PON3: variants seen among roughly 807,000 people sequenced by gnomAD.
The protein encoded by PON3 is serum paraoxonase/lactonase 3.
PON3 carries 37 observed loss-of-function variants against 36.3 expected under a neutral mutation model. The ratio of observed to expected loss-of-function variants is 1.02; its 90% CI spans 0.78 to 1.34. PON3 has a LOEUF of 1.34. Ranked by LOEUF, PON3 falls within the 40% of genes most tolerant of loss-of-function variation. The pLI is 0.00. For missense variants in PON3, 415 were observed against 426.5 expected (o/e 0.97, Z 0.24); for synonymous variants, 155 against 154.8 (o/e 1.00, Z -0.01).
chr7:95,363,325 T>C (rs1030484112), intron 6 of PON3, among the ~76,000 whole-genome samples: 3 of 152,180 alleles, frequency 2.0e-5, no homozygotes, highest in African/African-American at 7.2e-5. Flanking sequence ...CTTCTGTTTA[T>C]AAAAAAACCT....
chr7:95,362,427 C>T lies in PON3; in HGVS notation c.841G>A (p.Ala281Thr), dbSNP rs1481025215. The change falls in exon 8 of 9, where the codon GCA becomes ACA. Residue 281 changes from alanine to threonine, a missense_variant. Coordinates refer to ENST00000265627, the MANE Select transcript of PON3 (RefSeq NM_000940.3). ...TVDPATGDIL[A>T]GCHPNPMKLL... ...TTCATAGGATTAGGATGGCATCCTG[C>T]CAAAATGTCTCCTGTGGCAGGATCG... 3 of 1,613,764 alleles carry T rather than the reference C, an allele frequency of 1.9e-6. No homozygotes were observed. Among genetic ancestry groups the T allele is most frequent in the East Asian group, 4.5e-5 (2 of 44,866 alleles).
chr7:95,361,197 G>A (rs1410325813), intron 8 of PON3, among the ~76,000 whole-genome samples: 1 of 152,084 alleles, frequency 6.6e-6, no homozygotes, highest in Admixed American at 6.6e-5. Context: ...CTAGGCTTAG[G>A]TTGGACTTTT....
intron 3 of PON3, 93 bp downstream of exon 3, chr7:95,390,061 T>A: frequency 5.4e-6 from 7 of 1,302,594 alleles, no homozygotes; most frequent in Non-Finnish European, 7.8e-6. Flanking sequence ...GATGAGAGCA[T>A]AGGGATCCAT....
At chr7:95,379,871 G>T (rs752651265) in intron 3 of PON3, among the ~76,000 whole-genome samples, 1 of 152,144 alleles carries the variant, frequency 6.6e-6, no homozygotes, top group Non-Finnish European at 1.5e-5. Context: ...CTCCCAGCAC[G>T]CAGCTTGAGA....
At chr7:95,374,439 T>C (rs945340744) in intron 3 of PON3, among the ~76,000 whole-genome samples, 2 of 152,146 alleles carry the variant, frequency 1.3e-5, no homozygotes, top group South Asian at 4.1e-4. Context: ...CCTCTCTCTC[T>C]TGCTTTACCA....
chr7:95,367,415 T>A lies in PON3; in HGVS notation c.441A>T (p.Glu147Asp), dbSNP rs774766276. The change falls in exon 5 of 9, where the codon GAA becomes GAT. Residue 147 changes from glutamate (E) to aspartate (D), a missense_variant. Physicochemically the swap from Glu to Asp is conservative, Grantham distance 45. Transcript: ENST00000265627. Reference sequence around the variant, plus strand: ...TCAGGTATACCAGAGAACGTTGTTGTTCCTCAAATTTAAATATCTCCACAG... The same window carrying A: ...TCAGGTATACCAGAGAACGTTGTTGATCCTCAAATTTAAATATCTCCACAG... ...KSTVEIFKFE[E>D]QQRSLVYLKT... 2 of 1,613,174 alleles carry A rather than the reference T, an allele frequency of 1.2e-6. No individual in the cohort carries two copies. Among genetic ancestry groups the A allele is most frequent in the East Asian group, 4.5e-5 (2 of 44,864 alleles).
intron 8 of PON3, among the ~76,000 whole-genome samples, chr7:95,362,022 T>C (rs989733073): frequency 6.6e-6 from 1 of 152,172 alleles, no homozygotes; most frequent in South Asian, 2.1e-4. Context: ...TGAAAGAAGA[T>C]GGTACCATAT....
chr7:95,371,871 T>A (rs1190909223), intron 4 of PON3, among the ~76,000 whole-genome samples: 1 of 152,118 alleles, frequency 6.6e-6, no homozygotes, highest in African/African-American at 2.4e-5. Flanking sequence ...ACAACTAAAC[T>A]AAAGGGCCTT....
chr7:95,389,382 T>C (rs1809268970), intron 3 of PON3, among the ~76,000 whole-genome samples: 1 of 152,198 alleles, frequency 6.6e-6, no homozygotes, highest in Non-Finnish European at 1.5e-5. Flanking sequence ...TTTGGTGGTA[T>C]TTTATTGCCC....
chr7:95,377,831 C>T (rs1260342173), intron 3 of PON3, among the ~76,000 whole-genome samples: 1 of 152,130 alleles, frequency 6.6e-6, no homozygotes, highest in Admixed American at 6.5e-5. Context: ...CTGAAAATTC[C>T]AAAAACCAGA....
chr7:95,382,330 G>A (rs146541910), intron 3 of PON3, among the ~76,000 whole-genome samples: 1 of 152,136 alleles, frequency 6.6e-6, no homozygotes, highest in Non-Finnish European at 1.5e-5. Flanking sequence ...AAAGCTAGCA[G>A]AAGACAAGAA....
intron 5 of PON3, chr7:95,365,874 G>C (rs1808678984): frequency 6.6e-6 from 1 of 152,108 alleles, no homozygotes; most frequent in Non-Finnish European, 1.5e-5. Flanking sequence ...CTGTATATCT[G>C]CCTGTCTTCT....
At chr7:95,395,701 G>A (rs1809414259) in intron 1 of PON3, among the ~76,000 whole-genome samples, 1 of 152,120 alleles carries the variant, frequency 6.6e-6, no homozygotes, top group Admixed American at 6.6e-5. Context: ...GACATTTCTA[G>A]GCTGGCTATC....
chr7:95,377,180 C>T (rs1228510438), intron 3 of PON3, among the ~76,000 whole-genome samples: 1 of 152,196 alleles, frequency 6.6e-6, no homozygotes, highest in Admixed American at 6.5e-5. Context: ...TGCGATGCTG[C>T]AGCTTGGCAG....
At chr7:95,360,855 T>C (rs1210511039) in intron 8 of PON3, among the ~76,000 whole-genome samples, 1 of 152,184 alleles carries the variant, frequency 6.6e-6, no homozygotes. Flanking sequence ...TTTGTTCTTT[T>C]TTTTATCTTA....
At chr7:95,388,963 T>G (rs1159087874) in intron 3 of PON3, among the ~76,000 whole-genome samples, 1 of 151,960 alleles carries the variant, frequency 6.6e-6, no homozygotes, top group East Asian at 1.9e-4. Context: ...GGGGGAGGGA[T>G]AGCATTAGGA....
At chr7:95,396,037 G>C in intron 1 of PON3, 1 of 564,172 alleles carries the variant, frequency 1.8e-6, no homozygotes, top group Non-Finnish European at 3.2e-6. Context: ...AAGCAAAGTG[G>C]GGGATCATAA....
chr7:95,372,349 T>C lies in PON3; in HGVS notation c.202-11A>G, dbSNP rs377343515. ...TGGATATTTTAATCCCTTTTAAAAA[T>C]AAAGAACAAGTGTGCACACATATAC... is the stretch of plus-strand genomic sequence containing the variant. On this transcript the variant is annotated splice_polypyrimidine_tract_variant and intron_variant, in intron 3 of 8. Coordinates refer to ENST00000265627, the MANE Select transcript of PON3 (RefSeq NM_000940.3). 9.5e-5 allele frequency: 153 copies of C among 1,613,152 alleles called. No individual in the cohort carries two copies. The African/African-American group carries it at 1.9e-3, about 20-fold the overall frequency.
intron 4 of PON3, among the ~76,000 whole-genome samples, chr7:95,370,815 C>T (rs1332069203): frequency 1.3e-5 from 2 of 152,214 alleles, no homozygotes. Flanking sequence ...ATATAATTCA[C>T]ACACCACTGA....
Sources: allele counts gnomAD v4.1 joint callset (sites outside exome capture counted in the v4.1 genomes callset), GRCh38; gene constraint gnomAD v4.1.1; transcripts MANE v1.5; gene names NCBI Gene and HGNC (gene_info 2026-07-23, HGNC 2026-07-21).